CALU: variants seen among roughly 807,000 people sequenced by gnomAD.
CALU encodes the protein calumenin, also known as IEF SSP 9302.
A neutral mutation model predicts 37.5 loss-of-function variants in CALU; 13 were observed. The ratio of observed to expected loss-of-function variants is 0.35; its 90% confidence interval spans 0.23 to 0.55. The LOEUF (loss-of-function observed/expected upper bound fraction) is 0.55, where lower values mean the gene tolerates loss of function less well. Ranked by LOEUF, CALU falls within the 20% of genes least tolerant of loss-of-function variation. The pLI is 0.89. For missense variants in CALU, 282 were observed against 391.7 expected (o/e 0.72, Z 2.36); for synonymous variants, 114 against 133.8 (o/e 0.85, Z 1.02).
chr7:128,755,791 G>T (rs1285059257), intron 3 of CALU, among the ~76,000 whole-genome samples: 1 of 152,116 alleles, frequency 6.6e-6, no homozygotes, highest in Non-Finnish European at 1.5e-5. Context: ...TTTAAGACAA[G>T]AATTGTATTA....
chr7:128,772,717 A>C lies in CALU; in HGVS notation c.*3550A>C. The C allele has an allele frequency of 1.2e-6, 2 of 1,610,420 alleles. No individual in the cohort carries two copies. Among genetic ancestry groups the C allele is most frequent in the South Asian group, 2.2e-5 (2 of 90,952 alleles). ...GGCAGATGAGGAAGTATGGGAAAAA[A>C]GACCTTATTCTCTGTATCACCAAAG... On this transcript the variant is annotated 3_prime_UTR_variant, in exon 7 of 7. Transcript: ENST00000249364.
intron 6 of CALU, among the ~76,000 whole-genome samples, chr7:128,768,409 AT>A (rs1418560727): frequency 6.6e-6 from 1 of 152,198 alleles, no homozygotes; most frequent in Non-Finnish European, 1.5e-5. Flanking sequence ...GCATGTAGTC[AT>A]CCCTATCTAG....
At chr7:128,759,086 G>A in intron 4 of CALU, 49 bp downstream of exon 4, 2 of 1,470,154 alleles carry the variant, frequency 1.4e-6, no homozygotes, top group South Asian at 2.5e-5. Context: ...CTCTTTTTGT[G>A]GCTTATTCTG....
Position 128,754,448 on chromosome 7 carries a change from C to T in CALU, c.408C>T (p.Tyr136=), listed in dbSNP as rs773787640. Residue 136 remains tyrosine (Y), a synonymous_variant, in exon 3 of 7, where the codon TAC becomes TAT. Coordinates refer to ENST00000249364, the MANE Select transcript of CALU (RefSeq NM_001219.5). ...AGTATAAAAATGCCACCTACGGCTA[C>T]GTTTTAGGTAGGTCCCTACTGTCTG... The part of the protein sequence containing the change: ...WEEYKNATYG[Y]VLDDPDPDDG... 2.5e-6 allele frequency: 4 copies of T among 1,612,394 alleles called. No individual in the cohort carries two copies. The highest frequency in any genetic ancestry group is 1.7e-5 in the Admixed American group (1 of 59,740).
chr7:128,757,358 A>AGTGTGTGTGTGTGTGTGTGTGT (rs10638444), intron 3 of CALU, among the ~76,000 whole-genome samples: 7 of 146,182 alleles, frequency 4.8e-5, no homozygotes, highest in East Asian at 2.0e-4. Context: ...TATGGCTTTG[A>AGTGTGTGTGTGTGTGTGTGTGT]GTGTGTGTGT....
At chr7:128,750,923 A>G (rs960617945) in intron 2 of CALU, among the ~76,000 whole-genome samples, 1 of 152,200 alleles carries the variant, frequency 6.6e-6, no homozygotes, top group Non-Finnish European at 1.5e-5. Context: ...TCTTATTAAG[A>G]ATGTTGACAA....
At chr7:128,766,529 A>G (rs1801341983) in intron 5 of CALU, among the ~76,000 whole-genome samples, 1 of 148,748 alleles carries the variant, frequency 6.7e-6, no homozygotes, top group Admixed American at 6.9e-5. Flanking sequence ...CCTGGGTTCA[A>G]GTGATTCTTT....
intron 1 of CALU, among the ~76,000 whole-genome samples, chr7:128,741,960 C>T (rs1460648287): frequency 2.0e-5 from 3 of 152,158 alleles, no homozygotes; most frequent in African/African-American, 7.2e-5. Flanking sequence ...TTCAGACATT[C>T]TCAGGGTTTT....
chr7:128,752,668 A>G (rs570337951), intron 2 of CALU, among the ~76,000 whole-genome samples: 5 of 152,210 alleles, frequency 3.3e-5, no homozygotes, highest in Non-Finnish European at 5.9e-5. Flanking sequence ...ATGTAGATAG[A>G]AGAGGATATT....
rs1483788657 is a variant in CALU, at chr7:128,773,213, A to AG, written c.*4049dup. Among the ~76,000 whole-genome samples, 2 of 152,244 alleles carry AG rather than the reference A, an allele frequency of 1.3e-5. No individual in the cohort carries two copies. Among genetic ancestry groups the AG allele is most frequent in the East Asian group, 3.8e-4 (2 of 5,204 alleles). On this transcript the variant is annotated 3_prime_UTR_variant, in exon 7 of 7. Transcript: ENST00000249364. The stretch of plus-strand genomic sequence containing the variant: ...ATGCTCGTGCAGGCTAAAAGTTGGA[A>AG]GGGAAATGATTAAGAAATTATTAAA...
At chr7:128,741,585 A>G (rs1270237767) in intron 1 of CALU, among the ~76,000 whole-genome samples, 2 of 152,182 alleles carry the variant, frequency 1.3e-5, no homozygotes, top group African/African-American at 4.8e-5. Flanking sequence ...GAAAAAGATA[A>G]CAGATCACTT....
intron 1 of CALU, among the ~76,000 whole-genome samples, chr7:128,743,473 A>G (rs953386133): frequency 1.3e-5 from 2 of 152,028 alleles, no homozygotes; most frequent in African/African-American, 2.4e-5. Flanking sequence ...CTATTCCTCT[A>G]AACTTTTTTT....
At chr7:128,764,984 C>T (rs1180147725) in intron 5 of CALU, among the ~76,000 whole-genome samples, 2 of 152,080 alleles carry the variant, frequency 1.3e-5, no homozygotes, top group Non-Finnish European at 2.9e-5. Flanking sequence ...TGCAGTGGCA[C>T]AATCACAGCA....
chr7:128,748,160 C>G (rs1244616857), intron 1 of CALU: 1 of 480,232 alleles, frequency 2.1e-6, no homozygotes, highest in African/African-American at 2.0e-5. Context: ...ATTCTAATAA[C>G]CAGCCATGTT....
chr7:128,768,863 A>AAAAAAC, intron 6 of CALU, among the ~76,000 whole-genome samples, 200 bp from the exon 7 acceptor site: 1 of 148,050 alleles, frequency 6.8e-6, no homozygotes, highest in African/African-American at 2.6e-5. Context: ...AAAAAAAAAA[A>AAAAAAC]AAAAACAAGG....
At chr7:128,758,796 A>G in intron 3 of CALU, 75 bp from the exon 4 acceptor site, 1 of 1,013,320 alleles carries the variant, frequency 9.9e-7, no homozygotes, top group South Asian at 1.5e-5. Flanking sequence ...TTTATTGGAA[A>G]TTGATTTCCC....
At chr7:128,759,887 G>A in intron 5 of CALU, 35 bp downstream of exon 5, 1 of 1,087,236 alleles carries the variant, frequency 9.2e-7, no homozygotes, top group Non-Finnish European at 1.4e-6. Flanking sequence ...TCTTAGAAAA[G>A]CTGAGAAGCT....
intron 6 of CALU, among the ~76,000 whole-genome samples, chr7:128,768,369 T>C (rs975190695): frequency 2.0e-5 from 3 of 152,204 alleles, no homozygotes; most frequent in Non-Finnish European, 4.4e-5. Context: ...AGCCAGGTGT[T>C]GTGTCCTGAG....
chr7:128,759,605 T>C (rs1356079978), intron 4 of CALU, among the ~76,000 whole-genome samples, 187 bp from the exon 5 acceptor site: 1 of 152,226 alleles, frequency 6.6e-6, no homozygotes, highest in East Asian at 1.9e-4. Context: ...ATTGCTCATG[T>C]TTTACCATTT....
Sources: allele counts gnomAD v4.1 joint callset (sites outside exome capture counted in the v4.1 genomes callset), GRCh38; gene constraint gnomAD v4.1.1; transcripts MANE v1.5; gene names NCBI Gene and HGNC (gene_info 2026-07-23, HGNC 2026-07-21).